Variants in KCNMA1 observed in about 807,000 individuals in gnomAD.
KCNMA1 encodes the protein potassium calcium-activated channel subfamily M alpha 1.
A neutral mutation model predicts 140.0 loss-of-function variants in KCNMA1; 29 were observed. That is an observed-to-expected ratio of 0.21 (90% CI 0.15 to 0.28). The LOEUF is 0.28. Ranked by LOEUF, KCNMA1 falls within the 10% of genes least tolerant of loss-of-function variation. The pLI, the probability that KCNMA1 is intolerant of heterozygous loss-of-function variation, is 1.00. For synonymous variants in KCNMA1, 612 were observed against 611.9 expected, an observed-to-expected ratio of 1.00 and a Z score of 0.00; for missense variants, 880 against 1,602.2, an observed-to-expected ratio of 0.55 and a Z score of 7.70.
intron 25 of KCNMA1, among the ~76,000 whole-genome samples, chr10:76,909,114 C>G (rs1471436865): frequency 2.0e-5 from 3 of 152,228 alleles, no homozygotes; most frequent in African/African-American, 7.2e-5. Context: ...CAGGCCTTGC[C>G]TCCATGCCTG....
At chr10:77,012,399 G>A in intron 17 of KCNMA1, 1 of 1,538,500 alleles carries the variant, frequency 6.5e-7, no homozygotes, top group Non-Finnish European at 8.8e-7. Context: ...TGGGCCCTTG[G>A]TGGGGAAGTT....
At position 77,076,052 on chromosome 10, in the gene KCNMA1, T is replaced by C. The variant is rs146052996; in HGVS notation, c.1594-2800A>G. Among the ~76,000 whole-genome samples, 392 of 152,240 alleles carry C rather than the reference T, an allele frequency of 2.6e-3. 5 individuals are homozygous for C. Among genetic ancestry groups the C allele is most frequent in the African/African-American group, 9.2e-3 (381 of 41,550 alleles). ...CGCTGTCCTGGAAAACCAGGAGAGA[T>C]GGATTTCAGTCCTAGTTCCATCTCT... On this transcript the variant is annotated intron_variant, in intron 13 of 27. Coordinates refer to ENST00000286628, the MANE Select transcript of KCNMA1 (RefSeq NM_001161352.2).
At chr10:77,317,454 A>T (rs2081177987) in intron 2 of KCNMA1, among the ~76,000 whole-genome samples, 1 of 152,232 alleles carries the variant, frequency 6.6e-6, no homozygotes, top group Admixed American at 6.5e-5. Context: ...GTGTGGTTTC[A>T]TCGGGAGTGT....
chr10:77,516,056 T>C (rs1424248401), intron 1 of KCNMA1, among the ~76,000 whole-genome samples: 1 of 152,182 alleles, frequency 6.6e-6, no homozygotes, highest in African/African-American at 2.4e-5. Flanking sequence ...AGCACTGGCC[T>C]ATACCAGGTG....
At chr10:77,138,459 T>C (rs2098097691) in intron 5 of KCNMA1, among the ~76,000 whole-genome samples, 1 of 152,076 alleles carries the variant, frequency 6.6e-6, no homozygotes, top group African/African-American at 2.4e-5. Flanking sequence ...AAATAACTTA[T>C]CTTTTCCCTC....
intron 14 of KCNMA1, among the ~76,000 whole-genome samples, chr10:77,047,864 A>G (rs2095162667): frequency 1.3e-5 from 2 of 152,116 alleles, no homozygotes; most frequent in Admixed American, 1.3e-4. Context: ...ACGTCTGCCA[A>G]ACCAACCCCA....
intron 1 of KCNMA1, among the ~76,000 whole-genome samples, chr10:77,434,963 T>C (rs1289325612): frequency 1.3e-5 from 2 of 152,226 alleles, no homozygotes; most frequent in African/African-American, 4.8e-5. Flanking sequence ...AACAAAGATA[T>C]CTTTTTTGGG....
chr10:77,198,200 G>A (rs2041240173), intron 3 of KCNMA1, among the ~76,000 whole-genome samples: 1 of 152,122 alleles, frequency 6.6e-6, no homozygotes, highest in Admixed American at 6.5e-5. Flanking sequence ...GTTCATTATA[G>A]AAGCAGAGCT....
chr10:77,228,494 TAAAC>T (rs1188465600), intron 3 of KCNMA1, among the ~76,000 whole-genome samples: 2 of 152,104 alleles, frequency 1.3e-5, no homozygotes, highest in Non-Finnish European at 2.9e-5. Flanking sequence ...AGATCAGAGA[TAAAC>T]AAAGAGTCTC....
intron 23 of KCNMA1, among the ~76,000 whole-genome samples, chr10:76,934,644 A>T (rs2060073745): frequency 1.3e-5 from 2 of 152,182 alleles, no homozygotes; most frequent in African/African-American, 4.8e-5. Context: ...CAGGGGCACT[A>T]ACCTCATGCA....
At chr10:77,623,525 A>G (rs12416554) in intron 1 of KCNMA1, among the ~76,000 whole-genome samples, 41,526 of 151,312 alleles carry the variant, frequency 0.27, 5,843 homozygotes, top group Middle Eastern at 0.37. Context: ...GTAAAACCCC[A>G]TCTCTACTAA....
intron 2 of KCNMA1, among the ~76,000 whole-genome samples, chr10:77,281,849 A>C (rs1387349947): frequency 6.6e-6 from 1 of 152,216 alleles, no homozygotes; most frequent in Admixed American, 6.5e-5. Flanking sequence ...AATCTATAGA[A>C]ACCTAAAAAT....
intron 3 of KCNMA1, among the ~76,000 whole-genome samples, chr10:77,240,279 T>C (rs1006136103): frequency 3.3e-5 from 5 of 152,238 alleles, no homozygotes; most frequent in African/African-American, 1.2e-4. Context: ...TAGTGATATG[T>C]AGCTCTGGGG....
chr10:77,098,004 T>C (rs2096980337), intron 9 of KCNMA1, among the ~76,000 whole-genome samples: 1 of 152,244 alleles, frequency 6.6e-6, no homozygotes, highest in African/African-American at 2.4e-5. Flanking sequence ...AATACCGGGA[T>C]GTCCCACCTG....
At chr10:76,961,325 G>A (rs1309269846) in intron 20 of KCNMA1, among the ~76,000 whole-genome samples, 1 of 152,010 alleles carries the variant, frequency 6.6e-6, no homozygotes, top group Non-Finnish European at 1.5e-5. Flanking sequence ...TAGAAGTGGA[G>A]CCTGAACATG....
chr10:77,142,357 G>A (rs1240522712), intron 5 of KCNMA1, among the ~76,000 whole-genome samples: 1 of 145,890 alleles, frequency 6.9e-6, no homozygotes, highest in Non-Finnish European at 1.5e-5. Context: ...GGTGACAGAG[G>A]GAGACTCCAT....
At chr10:76,900,910 A>AAC (rs1284311444) in intron 25 of KCNMA1, among the ~76,000 whole-genome samples, 1 of 141,686 alleles carries the variant, frequency 7.1e-6, no homozygotes, top group African/African-American at 2.5e-5. Context: ...AAAAAAAAAA[A>AAC]CCCAGTACAT....
chr10:77,273,933 C>A (rs537036245), intron 2 of KCNMA1, among the ~76,000 whole-genome samples: 1 of 152,252 alleles, frequency 6.6e-6, no homozygotes, highest in South Asian at 2.1e-4. Flanking sequence ...AAAAAGCAGG[C>A]ACCCTTTTAT....
chr10:76,908,806 G>A (rs2048847828), intron 25 of KCNMA1, among the ~76,000 whole-genome samples: 1 of 152,178 alleles, frequency 6.6e-6, no homozygotes, highest in African/African-American at 2.4e-5. Flanking sequence ...GAGAATTTGA[G>A]AACTCCAAAA....
Sources: allele counts gnomAD v4.1 joint callset (sites outside exome capture counted in the v4.1 genomes callset), GRCh38; gene constraint gnomAD v4.1.1; transcripts MANE v1.5; gene names NCBI Gene and HGNC (gene_info 2026-07-23, HGNC 2026-07-21).